The following PAK5 variants were observed in gnomAD, a reference collection of about 807,000 sequenced individuals.
PAK5 encodes p21 (RAC1) activated kinase 5.
PAK5 carries 16 observed loss-of-function variants against 65.9 expected under a neutral mutation model. The observed-to-expected ratio is 0.24, with a 90% CI of 0.16 to 0.37. PAK5 has a LOEUF of 0.37. Ranked by LOEUF, PAK5 falls within the 10% of genes least tolerant of loss-of-function variation. The probability of loss-of-function intolerance (pLI) is 1.00; values close to 1 mark genes in which losing one functional copy is unlikely to be tolerated. For missense variants in PAK5, 785 were observed against 903.9 expected (o/e 0.87, Z 1.69); for synonymous variants, 371 against 354.9 (o/e 1.05, Z -0.51).
At chr20:9,789,176 T>C (rs2049023827) in intron 1 of PAK5, among the ~76,000 whole-genome samples, 1 of 152,200 alleles carries the variant, frequency 6.6e-6, no homozygotes, top group Non-Finnish European at 1.5e-5. Context: ...CATCTGAACA[T>C]TTCTGTAAGA....
At chr20:9,588,974 C>G (rs2123054178) in intron 3 of PAK5, among the ~76,000 whole-genome samples, 1 of 152,256 alleles carries the variant, frequency 6.6e-6, no homozygotes, top group South Asian at 2.1e-4. Flanking sequence ...AGCTGTCTCC[C>G]CTTGTTCCCC....
At chr20:9,600,299 T>C (rs917921148) in intron 3 of PAK5, among the ~76,000 whole-genome samples, 1 of 152,228 alleles carries the variant, frequency 6.6e-6, no homozygotes, top group South Asian at 2.1e-4. Context: ...TCCTCTAACA[T>C]TGTTCTTTTT....
chr20:9,577,415 A>C (rs2045905120), intron 4 of PAK5: 1 of 152,120 alleles, frequency 6.6e-6, no homozygotes, highest in African/African-American at 2.4e-5. Context: ...ACACATGTGT[A>C]CACACACATG....
intron 3 of PAK5, among the ~76,000 whole-genome samples, chr20:9,621,861 C>T (rs1689022616): frequency 6.6e-6 from 1 of 152,206 alleles, no homozygotes; most frequent in Non-Finnish European, 1.5e-5. Flanking sequence ...GAATTGCTAT[C>T]TCCAGGTGAG....
At chr20:9,608,139 C>T (rs539453595) in intron 3 of PAK5, among the ~76,000 whole-genome samples, 2 of 152,236 alleles carry the variant, frequency 1.3e-5, no homozygotes, top group African/African-American at 2.4e-5. Context: ...CCCTTATTGA[C>T]CTAATCAATC....
At chr20:9,614,330 C>G (rs1296042681) in intron 3 of PAK5, among the ~76,000 whole-genome samples, 6 of 152,026 alleles carry the variant, frequency 3.9e-5, no homozygotes, top group Non-Finnish European at 7.4e-5. Flanking sequence ...ATGAAAAAGG[C>G]ATAGAATATC....
chr20:9,716,909 C>A (rs1382395305), intron 1 of PAK5, among the ~76,000 whole-genome samples: 1 of 151,934 alleles, frequency 6.6e-6, no homozygotes, highest in Non-Finnish European at 1.5e-5. Context: ...CATGGCGAAA[C>A]CCCGTCTCCA....
intron 3 of PAK5, among the ~76,000 whole-genome samples, chr20:9,640,215 C>A: frequency 8.6e-6 from 1 of 116,558 alleles, no homozygotes; most frequent in South Asian, 3.7e-4. Flanking sequence ...CCTCCCCCCA[C>A]CCCACCCCAC....
intron 2 of PAK5, among the ~76,000 whole-genome samples, chr20:9,668,043 A>T (rs1451604110): frequency 6.6e-6 from 1 of 152,170 alleles, no homozygotes; most frequent in Admixed American, 6.6e-5. Context: ...TTGAGTCATG[A>T]CAGCTTCCAC....
intron 5 of PAK5, among the ~76,000 whole-genome samples, chr20:9,564,946 A>G (rs1276610384): frequency 6.6e-6 from 1 of 151,704 alleles, no homozygotes; most frequent in Non-Finnish European, 1.5e-5. Context: ...TAATTTTATT[A>G]GTATTAATGT....
intron 3 of PAK5, among the ~76,000 whole-genome samples, chr20:9,618,930 T>G (rs1163406265): frequency 3.7e-5 from 4 of 108,458 alleles, no homozygotes; most frequent in African/African-American, 1.4e-4. Context: ...TTTTTTTTTT[T>G]TTTTTTTTTT....
chr20:9,823,608 C>T (rs534148243), intron 1 of PAK5, among the ~76,000 whole-genome samples: 303 of 152,322 alleles, frequency 2.0e-3, no homozygotes, highest in Non-Finnish European at 2.8e-3. Flanking sequence ...ACCATGATTG[C>T]GTGGCCTTCC....
In PAK5 at chr20:9,666,706, T is replaced by C. The variant is rs1243274099; in HGVS notation, c.-11-22367A>G. ...AAACAAAACAAAACAAAAAAACAAATAGCAAAAAGTTGTTGAGTGCTTTGT... is the reference window on the plus strand; with the variant it reads ...AAACAAAACAAAACAAAAAAACAAACAGCAAAAAGTTGTTGAGTGCTTTGT... On this transcript the variant is annotated intron_variant, in intron 2 of 9. Coordinates refer to ENST00000353224, the MANE Select transcript of PAK5 (RefSeq NM_177990.4). Among the ~76,000 whole-genome samples the C allele has an allele frequency of 4.6e-5, 7 of 151,990 alleles. No homozygotes were observed. In the South Asian group the frequency reaches 8.3e-4, roughly 18 times the overall value.
At chr20:9,727,329 G>A (rs1268478337) in intron 1 of PAK5, among the ~76,000 whole-genome samples, 1 of 152,104 alleles carries the variant, frequency 6.6e-6, no homozygotes, top group African/African-American at 2.4e-5. Context: ...TGAAGTGGGA[G>A]GTTTATGATG....
At chr20:9,663,453 C>A (rs983246034) in intron 2 of PAK5, among the ~76,000 whole-genome samples, 1 of 152,108 alleles carries the variant, frequency 6.6e-6, no homozygotes, top group Non-Finnish European at 1.5e-5. Context: ...TAATAATAAA[C>A]CTTTGAAATT....
chr20:9,651,635 T>A (rs571217574), intron 2 of PAK5, among the ~76,000 whole-genome samples: 86 of 152,294 alleles, frequency 5.6e-4, no homozygotes, highest in African/African-American at 2.0e-3. Flanking sequence ...TTTTTTGTTG[T>A]GTATATTTCA....
In PAK5 at chr20:9,793,051, G is replaced by T. The variant is rs114188721; in HGVS notation, c.-162+45711C>A. 1.9e-3 allele frequency among the ~76,000 whole-genome samples: 290 copies of T among 152,210 alleles called. 2 individuals are homozygous for T. Among genetic ancestry groups the T allele is most frequent in the African/African-American group, 6.5e-3 (271 of 41,568 alleles). On this transcript the variant is annotated intron_variant, in intron 1 of 9. Transcript: ENST00000353224. ...AATAACTGATAGCGACTCATCAATTGCACAGCCTAACCAGGATGCCATTTT... is the reference window on the plus strand; with the variant it reads ...AATAACTGATAGCGACTCATCAATTTCACAGCCTAACCAGGATGCCATTTT...
intron 3 of PAK5, among the ~76,000 whole-genome samples, chr20:9,594,262 T>C (rs946319995): frequency 6.6e-6 from 1 of 152,314 alleles, no homozygotes; most frequent in Admixed American, 6.5e-5. Context: ...CCCATCCAGA[T>C]CTACTGAATC....
chr20:9,550,329 G>T (rs954633338), intron 7 of PAK5, among the ~76,000 whole-genome samples: 3 of 152,168 alleles, frequency 2.0e-5, no homozygotes, highest in African/African-American at 7.2e-5. Context: ...CCACCAGTAG[G>T]ACCAGTCAAT....
Sources: gnomAD v4.1 joint callset for allele counts (sites outside exome capture counted in the v4.1 genomes callset) on GRCh38, gnomAD v4.1.1 for gene constraint, MANE v1.5 for transcripts, NCBI Gene and HGNC (gene_info 2026-07-23, HGNC 2026-07-21) for gene names.